Variants in HCRTR2 observed in about 807,000 individuals in gnomAD.
The protein encoded by HCRTR2 is orexin receptor type 2.
HCRTR2 carries 22 observed loss-of-function variants against 49.0 expected under a neutral mutation model. That is an observed-to-expected ratio of 0.45 (90% CI 0.32 to 0.64). The LOEUF (loss-of-function observed/expected upper bound fraction) is 0.64, where lower values mean the gene tolerates loss of function less well. Ranked by LOEUF, HCRTR2 falls within the 30% of genes least tolerant of loss-of-function variation. The pLI is 0.04. For synonymous variants in HCRTR2, 236 were observed against 205.3 expected (o/e 1.15, Z -1.28); for missense variants, 491 against 559.4 (o/e 0.88, Z 1.23).
At chr6:55,183,959 A>T (rs1406549100) in intron 1 of HCRTR2, among the ~76,000 whole-genome samples, 1 of 151,880 alleles carries the variant, frequency 6.6e-6, no homozygotes, top group East Asian at 1.9e-4. Flanking sequence ...ATAAAGTCTC[A>T]CTCTGTTGCC....
intron 5 of HCRTR2, 84 bp from the exon 6 acceptor site, chr6:55,280,239 T>A: frequency 1.1e-6 from 1 of 913,038 alleles, no homozygotes; most frequent in Non-Finnish European, 1.8e-6. Context: ...AGGACAGGAG[T>A]CAGACCATCC....
chr6:55,222,776 G>GGAGTAA (rs1218889955), intron 1 of HCRTR2, among the ~76,000 whole-genome samples: 1 of 152,128 alleles, frequency 6.6e-6, no homozygotes, highest in African/African-American at 2.4e-5. Flanking sequence ...CCAGGTCCTG[G>GGAGTAA]GAGTAAGAGT....
intron 1 of HCRTR2, among the ~76,000 whole-genome samples, chr6:55,210,424 A>G (rs1765675974): frequency 1.3e-5 from 2 of 152,058 alleles, no homozygotes; most frequent in South Asian, 4.1e-4. Context: ...CTCACTGAAT[A>G]TATCAGGGGT....
At chr6:55,258,645 G>A (rs1044769231) in intron 3 of HCRTR2, among the ~76,000 whole-genome samples, 15 of 151,996 alleles carry the variant, frequency 9.9e-5, no homozygotes, top group Non-Finnish European at 1.2e-4. Flanking sequence ...ATTTGTATGT[G>A]TTCACTGTTT....
chr6:55,203,966 T>A (rs1765556106), intron 1 of HCRTR2, among the ~76,000 whole-genome samples: 1 of 152,160 alleles, frequency 6.6e-6, no homozygotes, highest in Admixed American at 6.5e-5. Flanking sequence ...ACAGGACTAC[T>A]CTTTTGCTGA....
At chr6:55,146,830 A>T (rs989998734) in intron 1 of HCRTR2, among the ~76,000 whole-genome samples, 8 of 152,134 alleles carry the variant, frequency 5.3e-5, no homozygotes, top group Admixed American at 3.9e-4. Flanking sequence ...CTTATCTAGC[A>T]AGCTCCAAGG....
upstream of HCRTR2, among the ~76,000 whole-genome samples, chr6:55,171,802 A>T (rs1764953627): frequency 1.3e-5 from 2 of 152,226 alleles, no homozygotes. Context: ...AAGATTTACG[A>T]AGAGAAGACT....
chr6:55,262,580 A>T (rs2127322102), intron 3 of HCRTR2, among the ~76,000 whole-genome samples: 1 of 134,162 alleles, frequency 7.5e-6, no homozygotes, highest in Admixed American at 8.3e-5. Context: ...ATATATAAAT[A>T]AAATATGTAC....
At chr6:55,241,177 G>A (rs1251686189) in intron 1 of HCRTR2, among the ~76,000 whole-genome samples, 1 of 134,142 alleles carries the variant, frequency 7.5e-6, no homozygotes, top group African/African-American at 2.9e-5. Flanking sequence ...CTGTGTCCAT[G>A]TGTTCTCATT....
At chr6:55,196,824 T>C (rs928067653) in intron 1 of HCRTR2, among the ~76,000 whole-genome samples, 9 of 152,158 alleles carry the variant, frequency 5.9e-5, no homozygotes, top group Admixed American at 4.6e-4. Context: ...TGTTCTTCTC[T>C]AAATTTATGT....
At chr6:55,253,216 A>G (rs906556776) in intron 2 of HCRTR2, among the ~76,000 whole-genome samples, 1 of 150,250 alleles carries the variant, frequency 6.7e-6, no homozygotes, top group Non-Finnish European at 1.5e-5. Flanking sequence ...ACACACACAC[A>G]CGCAACACAC....
intron 5 of HCRTR2, among the ~76,000 whole-genome samples, chr6:55,277,902 C>G (rs1767109661): frequency 6.6e-6 from 1 of 152,162 alleles, no homozygotes; most frequent in Non-Finnish European, 1.5e-5. Flanking sequence ...TAATGCGTAA[C>G]AACTCATTTA....
At chr6:55,279,601 A>C (rs1015220070) in intron 5 of HCRTR2, among the ~76,000 whole-genome samples, 20 of 151,266 alleles carry the variant, frequency 1.3e-4, no homozygotes, top group Non-Finnish European at 2.9e-4. Flanking sequence ...AATATATATG[A>C]TTTTTGGCCT....
Sources: gnomAD v4.1 joint callset for allele counts (sites outside exome capture counted in the v4.1 genomes callset) on GRCh38, gnomAD v4.1.1 for gene constraint, MANE v1.5 for transcripts, NCBI Gene and HGNC (gene_info 2026-07-23, HGNC 2026-07-21) for gene names.